SVEP1: variants seen among roughly 807,000 people sequenced by gnomAD.
SVEP1 encodes the protein sushi, von Willebrand factor type A, EGF and pentraxin domain-containing protein 1.
SVEP1 carries 164 observed loss-of-function variants against 367.3 expected under a neutral mutation model. That is an observed-to-expected ratio of 0.45 (90% CI 0.39 to 0.51). SVEP1 has a LOEUF of 0.51. Among genes scored for constraint, SVEP1 ranks in the 20% least tolerant of loss-of-function variants. The pLI is 0.00. For missense variants in SVEP1, 4,117 were observed against 4,425.3 expected (o/e 0.93, Z 1.98); for synonymous variants, 1,666 against 1,611.6 (o/e 1.03, Z -0.81).
At chr9:110,540,621 C>T (rs1830132804) in intron 3 of SVEP1, among the ~76,000 whole-genome samples, 1 of 152,086 alleles carries the variant, frequency 6.6e-6, no homozygotes, top group African/African-American at 2.4e-5. Flanking sequence ...GCTAAAAGCA[C>T]ATGATTAACT....
intron 47 of SVEP1, among the ~76,000 whole-genome samples, chr9:110,367,466 C>A (rs1223014460): frequency 2.0e-5 from 3 of 152,138 alleles, no homozygotes; most frequent in Non-Finnish European, 2.9e-5. Flanking sequence ...CACACTCAGC[C>A]CAGCATACAA....
chr9:110,377,165 A>G, intron 45 of SVEP1, 106 bp downstream of exon 45: 1 of 979,450 alleles, frequency 1.0e-6, no homozygotes, highest in Non-Finnish European at 1.5e-6. Context: ...GACTTACAGC[A>G]AATGAATTCT....
rs1281541541 is a variant in SVEP1 at position 110,476,312 on chromosome 9, G to A, written c.2491C>T (p.Pro831Ser). 1.2e-6 allele frequency: 2 copies of A among 1,607,980 alleles called. No homozygotes were observed. The highest frequency in any genetic ancestry group is 3.4e-5 in the Admixed American group (2 of 59,684). Residue 831 changes from proline (P) to serine (S), a missense_variant, in exon 14 of 48, where the codon CCA (proline) becomes TCA (serine). By Grantham distance (74) the Pro-to-Ser change is moderately conservative. Coordinates refer to ENST00000374469, the MANE Select transcript of SVEP1 (RefSeq NM_153366.4). Reference protein sequence around the residue: ...AFETTLGKMVPSFCSDAEDID... With the variant: ...AFETTLGKMVSSFCSDAEDID... The stretch of plus-strand genomic sequence containing the variant: ...TCCTCTGCATCACTACAAAATGATG[G>A]GACCTGCAAGTAAAAAATGAAGAGG...
Position 110,429,185 on chromosome 9 carries a change from G to T in SVEP1, c.5765C>A (p.Thr1922Asn). The part of the protein sequence containing the change: ...NNGKYILSGL[T>N]YLSTASYSCD... ...TGAATATGATGCAGTAGAAAGGTAG[G>T]TAAGCCCACTCAAAATATATTTTCC... is the stretch of plus-strand genomic sequence containing the variant. Residue 1922 changes from threonine (T) to asparagine (N), a missense_variant, in exon 35 of 48, where the codon ACC (threonine) becomes AAC (asparagine). Thr to Asn is a moderately conservative substitution (Grantham distance 65, BLOSUM62 0). Coordinates refer to ENST00000374469, the MANE Select transcript of SVEP1 (RefSeq NM_153366.4). 6.3e-7 allele frequency: 1 copy of T among 1,599,548 alleles called. No homozygotes were observed. Among genetic ancestry groups the T allele is most frequent in the Non-Finnish European group, 8.5e-7 (1 of 1,172,430 alleles).
At chr9:110,544,011 G>T (rs1266028935) in intron 3 of SVEP1, among the ~76,000 whole-genome samples, 3 of 152,102 alleles carry the variant, frequency 2.0e-5, no homozygotes, top group African/African-American at 7.2e-5. Context: ...TGCTGGGTGA[G>T]CATGGATGGT....
At chr9:110,478,171 G>A (rs970716887) in intron 13 of SVEP1, among the ~76,000 whole-genome samples, 4 of 152,160 alleles carry the variant, frequency 2.6e-5, no homozygotes, top group East Asian at 1.9e-4. Flanking sequence ...AGATATGCTC[G>A]TGGCTCACTG....
intron 40 of SVEP1, among the ~76,000 whole-genome samples, chr9:110,390,955 C>T (rs879869948): frequency 6.6e-6 from 1 of 152,098 alleles, no homozygotes; most frequent in Non-Finnish European, 1.5e-5. Context: ...CTTCCATGAA[C>T]TCCTATTATT....
intron 22 of SVEP1, 80 bp from the exon 23 acceptor site, chr9:110,451,482 G>A (rs928990589): frequency 2.1e-6 from 2 of 959,146 alleles, no homozygotes; most frequent in Non-Finnish European, 3.2e-6. Flanking sequence ...AAGTTGTTCA[G>A]GCATTGGAAT....
Position 110,491,276 on chromosome 9 carries a change from A to G in SVEP1, c.1801-1497T>C, listed in dbSNP as rs747834293. 1.3e-3 allele frequency among the ~76,000 whole-genome samples: 194 copies of G among 151,996 alleles called. 1 individual carries two copies. Among genetic ancestry groups the G allele is most frequent in the Non-Finnish European group, 1.2e-3 (80 of 67,850 alleles). Reference sequence around the variant, plus strand: ...ACTTTCCGTTACAGAATCACTTTTCATGCTCAAAAATATATTAACAGTACT... The same window carrying G: ...ACTTTCCGTTACAGAATCACTTTTCGTGCTCAAAAATATATTAACAGTACT... On this transcript the variant is annotated intron_variant, in intron 8 of 47. Transcript: ENST00000374469.
chr9:110,432,041 T>C lies in SVEP1; in HGVS notation c.5234-7A>G. 3 of 1,590,196 alleles carry C rather than the reference T, an allele frequency of 1.9e-6. No individual in the cohort carries two copies. The highest frequency in any genetic ancestry group is 2.6e-6 in the Non-Finnish European group (3 of 1,171,246). ...ACTGCACACTCATCGACATCTAAAATGAAGACAGCTTATAAATATTAAAGT... is the reference window on the plus strand; with the variant it reads ...ACTGCACACTCATCGACATCTAAAACGAAGACAGCTTATAAATATTAAAGT... On this transcript the variant is annotated splice_polypyrimidine_tract_variant and splice_region_variant and intron_variant, in intron 31 of 47. Transcript: ENST00000374469.
intron 5 of SVEP1, among the ~76,000 whole-genome samples, chr9:110,504,798 A>T (rs1328182198): frequency 1.3e-5 from 2 of 151,148 alleles, no homozygotes; most frequent in Admixed American, 6.6e-5. Context: ...TTCTAATTCC[A>T]TCTGCCCAGC....
At position 110,476,276 on chromosome 9, in the gene SVEP1, T is replaced by G; in HGVS notation, c.2527A>C (p.Arg843=). Reference sequence around the variant, plus strand: ...TTTTTGGTCAGGTTCTCCTCCAGTCTGCAGTCAATGTCCTCTGCATCACTA... The same window carrying G: ...TTTTTGGTCAGGTTCTCCTCCAGTCGGCAGTCAATGTCCTCTGCATCACTA... The part of the protein sequence containing the change: ...FCSDAEDIDC[R]LEENLTKKYC... Residue 843 remains arginine, a synonymous_variant, in exon 14 of 48, where the codon AGA becomes CGA. Coordinates refer to ENST00000374469, the MANE Select transcript of SVEP1 (RefSeq NM_153366.4). 6.2e-7 allele frequency: 1 copy of G among 1,613,662 alleles called. No homozygotes were observed. The highest frequency in any genetic ancestry group is 8.5e-7 in the Non-Finnish European group (1 of 1,179,654).
Position 110,489,651 on chromosome 9 carries a change from A to G in SVEP1, c.1929T>C (p.Ile643=). Reference sequence around the variant, plus strand: ...AAACAACCAAACTATATCACTTACCAATAACCTTGATATGGAAAATGCAGC... The same window carrying G: ...AAACAACCAAACTATATCACTTACCGATAACCTTGATATGGAAAATGCAGC... ...QASCIFHIKV[I]DAEPPVIDWC... Residue 643 remains isoleucine, a splice_region_variant and synonymous_variant, in exon 9 of 48, where the codon ATT becomes ATC. Transcript: ENST00000374469. 2 of 1,612,028 alleles carry G rather than the reference A, an allele frequency of 1.2e-6. No individual in the cohort carries two copies. The highest frequency in any genetic ancestry group is 1.7e-6 in the Non-Finnish European group (2 of 1,178,828).
intron 46 of SVEP1, among the ~76,000 whole-genome samples, chr9:110,370,963 T>C (rs527999597): frequency 6.6e-6 from 1 of 152,312 alleles, no homozygotes; most frequent in East Asian, 1.9e-4. Context: ...TATAAGTAAA[T>C]GTCCTTTCTT....
intron 2 of SVEP1, among the ~76,000 whole-genome samples, chr9:110,547,306 C>G (rs1666927440): frequency 6.6e-6 from 1 of 152,188 alleles, no homozygotes; most frequent in Non-Finnish European, 1.5e-5. Context: ...CTCTGAGACA[C>G]TGGACCACAG....
chr9:110,379,416 T>A lies in SVEP1; in HGVS notation c.10339A>T (p.Met3447Leu). The change falls in exon 44 of 48, where the codon ATG (methionine) becomes TTG (leucine). Residue 3447 changes from methionine (M) to leucine (L), a missense_variant. Around this residue, in one of 4 missense-constraint regions of SVEP1, gnomAD observed 1,765 missense variants for 1,781.1 expected, o/e 0.99. Coordinates refer to ENST00000374469, the MANE Select transcript of SVEP1 (RefSeq NM_153366.4). ...ACACTCCTCAGGAAACCCTCCAACA[T>A]GTATCCACTGTAACATGAGTAGGTG... Reference protein sequence around the residue: ...MITYSCYSGYMLEGFLRSVCL... With the variant: ...MITYSCYSGYLLEGFLRSVCL... The A allele has an allele frequency of 6.2e-7, 1 of 1,613,814 alleles. No individual in the cohort carries two copies. The highest frequency in any genetic ancestry group is 8.5e-7 in the Non-Finnish European group (1 of 1,179,788).
chr9:110,504,455 G>A lies in SVEP1; in HGVS notation c.1304-1238C>T, dbSNP rs555750873. Among the ~76,000 whole-genome samples the A allele has an allele frequency of 9.2e-4, 140 of 152,180 alleles. 3 individuals carry two copies. Among genetic ancestry groups the A allele is most frequent in the Admixed American group, 8.6e-3 (131 of 15,284 alleles). On this transcript the variant is annotated intron_variant, in intron 5 of 47. Coordinates refer to ENST00000374469, the MANE Select transcript of SVEP1 (RefSeq NM_153366.4). Reference sequence around the variant, plus strand: ...TTTTCTTCCACAATACAGACATGAGGAATGGTAGCCCAGCATACTAGAGTA... The same window carrying A: ...TTTTCTTCCACAATACAGACATGAGAAATGGTAGCCCAGCATACTAGAGTA...
At chr9:110,428,417 C>CACACACACAA (rs1554714256) in intron 35 of SVEP1, among the ~76,000 whole-genome samples, 5 of 57,040 alleles carry the variant, frequency 8.8e-5, no homozygotes, top group African/African-American at 1.1e-4. Context: ...CACACACACA[C>CACACACACAA]ACACACACAC....
intron 5 of SVEP1, among the ~76,000 whole-genome samples, chr9:110,511,063 A>C (rs1222979930): frequency 6.6e-6 from 1 of 152,166 alleles, no homozygotes; most frequent in Non-Finnish European, 1.5e-5. Flanking sequence ...GGCTAATCTG[A>C]TTCTTTCTCC....
Sources: gnomAD v4.1 joint callset for allele counts (sites outside exome capture counted in the v4.1 genomes callset) on GRCh38, gnomAD v4.1.1 for gene constraint, gnomAD v4.1.1 regional missense constraint, MANE v1.5 for transcripts, NCBI Gene and HGNC (gene_info 2026-07-23, HGNC 2026-07-21) for gene names.